ZNF254: variants seen among roughly 807,000 people sequenced by gnomAD.
ZNF254 encodes CTD-2017D11.1.
Under a neutral mutation model 12.4 loss-of-function variants are expected in ZNF254, and 10 were observed. The observed-to-expected ratio is 0.80, with a 90% confidence interval of 0.50 to 1.36. The LOEUF is 1.36. ZNF254 is among the 40% of genes most tolerant of loss of function. The probability of loss-of-function intolerance (pLI) is 0.00; values close to 1 mark genes in which losing one functional copy is unlikely to be tolerated. For synonymous variants in ZNF254, 305 were observed against 253.4 expected (o/e 1.20, Z -1.93); for missense variants, 996 against 763.9 (o/e 1.30, Z -3.58).
intron 3 of ZNF254, among the ~76,000 whole-genome samples, chr19:24,113,003 G>T (rs1336696135): frequency 6.6e-6 from 1 of 152,170 alleles, no homozygotes; most frequent in East Asian, 1.9e-4. Context: ...TCTCTGAAGA[G>T]ACCAATAAAA....
chr19:24,112,689 G>T (rs907472116), intron 3 of ZNF254, among the ~76,000 whole-genome samples: 10 of 151,888 alleles, frequency 6.6e-5, no homozygotes, highest in Admixed American at 2.6e-4. Flanking sequence ...TGGATTCCTA[G>T]GTATTTTATT....
At chr19:24,115,535 G>C (rs1464056669) in intron 3 of ZNF254, among the ~76,000 whole-genome samples, 10 of 146,174 alleles carry the variant, frequency 6.8e-5, no homozygotes, top group Non-Finnish European at 1.5e-4. Flanking sequence ...GGGATGGGGG[G>C]ATGGGGGAGG....
At chr19:24,049,663 G>A (rs1970571221) in intron 2 of ZNF254, 2 of 152,104 alleles carry the variant, frequency 1.3e-5, no homozygotes, top group Middle Eastern at 3.4e-3. Flanking sequence ...CTTCCACAGG[G>A]GGCATTGTGT....
intron 3 of ZNF254, among the ~76,000 whole-genome samples, chr19:24,116,476 A>G (rs1401098244): frequency 6.6e-6 from 1 of 152,038 alleles, no homozygotes; most frequent in Non-Finnish European, 1.5e-5. Flanking sequence ...CCTTTCTTCC[A>G]GGTGATTGCA....
intron 3 of ZNF254, among the ~76,000 whole-genome samples, chr19:24,122,589 C>T (rs1974555409): frequency 1.3e-5 from 2 of 151,918 alleles, no homozygotes; most frequent in African/African-American, 2.4e-5. Context: ...AAGAGTGTAA[C>T]TCCTTCATAT....
At chr19:24,053,860 A>G (rs75986444) in intron 2 of ZNF254, among the ~76,000 whole-genome samples, 1,568 of 152,268 alleles carry the variant, frequency 0.01, 31 homozygotes, top group Admixed American at 0.042. Flanking sequence ...CCCAGCATCT[A>G]GGTGATGTGA....
rs554957013 is a variant in ZNF254 at position 24,102,081 on chromosome 19, C to T, written c.31-3859C>T. ...ACCATGCAGGAACTTTTAGTCTAGACTAGCAACTGGATAAATGATTTAATT... is the reference window on the plus strand; with the variant it reads ...ACCATGCAGGAACTTTTAGTCTAGATTAGCAACTGGATAAATGATTTAATT... On this transcript the variant is annotated intron_variant, in intron 1 of 3. Coordinates refer to ENST00000357002, the MANE Select transcript of ZNF254 (RefSeq NM_203282.4). 2.0e-5 allele frequency among the ~76,000 whole-genome samples: 3 copies of T among 152,282 alleles called. No individual in the cohort carries two copies. In the East Asian group the frequency reaches 5.8e-4, roughly 29 times the overall value.
chr19:24,041,388 T>G (rs1402994649), intron 1 of ZNF254, among the ~76,000 whole-genome samples: 2 of 152,194 alleles, frequency 1.3e-5, no homozygotes, highest in Non-Finnish European at 2.9e-5. Context: ...GGCGTGGGCT[T>G]GGTGGGCCCC....
chr19:24,122,210 A>G (rs1190664755), intron 3 of ZNF254, among the ~76,000 whole-genome samples: 1 of 152,070 alleles, frequency 6.6e-6, no homozygotes, highest in Non-Finnish European at 1.5e-5. Context: ...ATACATACTG[A>G]CTACCACTTT....
At chr19:24,068,359 G>A (rs1971357383) in intron 2 of ZNF254, among the ~76,000 whole-genome samples, 2 of 151,894 alleles carry the variant, frequency 1.3e-5, no homozygotes. Flanking sequence ...GGAGTGCAGC[G>A]ATGTGATCTT....
At chr19:24,047,555 C>G (rs1249510310) in intron 2 of ZNF254, among the ~76,000 whole-genome samples, 1 of 150,340 alleles carries the variant, frequency 6.7e-6, no homozygotes, top group Non-Finnish European at 1.5e-5. Context: ...AGGTTTGAGG[C>G]ACCATGTTCT....
chr19:24,113,266 G>A lies in ZNF254; in HGVS notation c.253+6623G>A, dbSNP rs11924806. ...TAGACCAATATCCTTGATGAACATC[G>A]ATGCAAAAATCCTCAATAAAATACT... is the stretch of plus-strand genomic sequence containing the variant. On this transcript the variant is annotated intron_variant, in intron 3 of 3. Transcript: ENST00000357002. 2.5e-4 allele frequency among the ~76,000 whole-genome samples: 38 copies of A among 152,186 alleles called. No homozygotes were observed. The South Asian group carries it at 3.1e-3, about 12-fold the overall frequency.
chr19:24,052,379 T>C (rs1041504176), intron 2 of ZNF254, among the ~76,000 whole-genome samples: 43 of 152,190 alleles, frequency 2.8e-4, no homozygotes, highest in Admixed American at 2.4e-3. Flanking sequence ...TGACATACCA[T>C]TGAGTTCAAC....
At chr19:24,108,893 C>T (rs370434117) in intron 3 of ZNF254, among the ~76,000 whole-genome samples, 1 of 152,174 alleles carries the variant, frequency 6.6e-6, no homozygotes, top group Non-Finnish European at 1.5e-5. Context: ...CGGTGGCTCA[C>T]GCCTCTAATC....
chr19:24,042,326 T>A (rs56230904), intron 1 of ZNF254, among the ~76,000 whole-genome samples: 24,211 of 152,118 alleles, frequency 0.16, 2,102 homozygotes, highest in Middle Eastern at 0.23. Flanking sequence ...TCTACCAATC[T>A]GCAGGATGTG....
chr19:24,123,407 C>G (rs1974619076), intron 3 of ZNF254, among the ~76,000 whole-genome samples: 1 of 152,152 alleles, frequency 6.6e-6, no homozygotes, highest in Admixed American at 6.5e-5. Context: ...CTCCATAACT[C>G]TGTTTGGAAT....
chr19:24,117,447 A>G (rs1321701630), intron 3 of ZNF254, among the ~76,000 whole-genome samples: 1 of 152,122 alleles, frequency 6.6e-6, no homozygotes, highest in Non-Finnish European at 1.5e-5. Flanking sequence ...TTGATCTCAG[A>G]CTGCTGTGCT....
intron 2 of ZNF254, among the ~76,000 whole-genome samples, chr19:24,053,451 G>A (rs570809755): frequency 2.0e-5 from 3 of 151,408 alleles, no homozygotes; most frequent in East Asian, 2.0e-4. Flanking sequence ...TGGGCCCAAC[G>A]TACAGATGGG....
At chr19:24,107,291 G>T in intron 3 of ZNF254, 1 of 586,248 alleles carries the variant, frequency 1.7e-6, no homozygotes, top group South Asian at 2.1e-5. Flanking sequence ...AGGTCACTTT[G>T]GATAATATGG....
Sources: gnomAD v4.1 joint callset for allele counts (sites outside exome capture counted in the v4.1 genomes callset) on GRCh38, gnomAD v4.1.1 for gene constraint, MANE v1.5 for transcripts, NCBI Gene and HGNC (gene_info 2026-07-23, HGNC 2026-07-21) for gene names.